Variants in PSME4 observed in about 807,000 individuals in gnomAD.
The protein encoded by PSME4 is proteasome activator complex subunit 4.
Under a neutral mutation model 253.9 loss-of-function variants are expected in PSME4, and 89 were observed. The observed-to-expected ratio is 0.35, with a 90% confidence interval of 0.30 to 0.42. The LOEUF is 0.42. PSME4 is among the 10% of genes least tolerant of loss of function. The pLI is 1.00. For missense variants in PSME4, 2,014 were observed against 2,195.2 expected (o/e 0.92, Z 1.65); for synonymous variants, 851 against 759.2 (o/e 1.12, Z -1.99).
At chr2:53,945,697 T>C (rs1669669151) in intron 3 of PSME4, among the ~76,000 whole-genome samples, 1 of 152,242 alleles carries the variant, frequency 6.6e-6, no homozygotes, top group African/African-American at 2.4e-5. Flanking sequence ...GCACATGAGT[T>C]TAAAATTTGA....
intron 41 of PSME4, among the ~76,000 whole-genome samples, chr2:53,882,222 A>G (rs1679420032): frequency 6.6e-6 from 1 of 152,212 alleles, no homozygotes; most frequent in Non-Finnish European, 1.5e-5. Context: ...TGCAAAGTGC[A>G]AAAGATATGT....
chr2:53,940,261 T>C (rs747134251), intron 3 of PSME4, among the ~76,000 whole-genome samples: 5 of 152,116 alleles, frequency 3.3e-5, no homozygotes, highest in African/African-American at 4.8e-5. Flanking sequence ...AAAGAACAAA[T>C]TGTTTTCAGT....
intron 41 of PSME4, among the ~76,000 whole-genome samples, chr2:53,880,049 C>T (rs1679308517): frequency 6.6e-6 from 1 of 152,124 alleles, no homozygotes; most frequent in Non-Finnish European, 1.5e-5. Context: ...AGTAATTTAA[C>T]CACATCTCCA....
At position 53,923,286 on chromosome 2, in the gene PSME4, G is replaced by A. The variant is rs113524290; in HGVS notation, c.1908+35C>T. ...ACCATATAAACTAGTTGATTGTTGAGTCATTAATACATCAGTTCAAAAAAA... is the reference window on the plus strand; with the variant it reads ...ACCATATAAACTAGTTGATTGTTGAATCATTAATACATCAGTTCAAAAAAA... On this transcript the variant is annotated intron_variant, in intron 15 of 46. Transcript: ENST00000404125. The A allele has an allele frequency of 5.2e-4, 815 of 1,572,552 alleles. 1 individual carries two copies. Among genetic ancestry groups the A allele is most frequent in the Non-Finnish European group, 5.5e-4 (638 of 1,162,434 alleles).
intron 3 of PSME4, among the ~76,000 whole-genome samples, chr2:53,942,832 C>T (rs1033376758): frequency 1.3e-5 from 2 of 152,148 alleles, no homozygotes; most frequent in African/African-American, 4.8e-5. Context: ...AATTCCTCCC[C>T]AACTGCCACC....
chr2:53,904,219 C>T, intron 26 of PSME4, 63 bp from the exon 27 acceptor site: 2 of 1,408,916 alleles, frequency 1.4e-6, no homozygotes, highest in South Asian at 3.0e-5. Flanking sequence ...CAGTTTAAAA[C>T]AAATTATCAA....
chr2:53,873,274 A>G (rs1397696029), intron 43 of PSME4, among the ~76,000 whole-genome samples: 1 of 151,994 alleles, frequency 6.6e-6, no homozygotes, highest in Non-Finnish European at 1.5e-5. Flanking sequence ...TGTTATAACC[A>G]GTCTGTGAGT....
chr2:53,902,441 C>G (rs990008769), intron 27 of PSME4, among the ~76,000 whole-genome samples: 1 of 152,128 alleles, frequency 6.6e-6, no homozygotes, highest in African/African-American at 2.4e-5. Flanking sequence ...TTTTGATTTC[C>G]AATTTACCTC....
chr2:53,953,884 C>T (rs1670112505), intron 1 of PSME4, among the ~76,000 whole-genome samples: 1 of 152,166 alleles, frequency 6.6e-6, no homozygotes, highest in African/African-American at 2.4e-5. Flanking sequence ...TTTCAACCAT[C>T]CAGAATATAT....
chr2:53,882,785 G>A (rs2104419669), intron 41 of PSME4, among the ~76,000 whole-genome samples: 1 of 152,080 alleles, frequency 6.6e-6, no homozygotes, highest in Admixed American at 6.5e-5. Flanking sequence ...TCTACTTACT[G>A]ACATGGAAAC....
At chr2:53,919,584 T>C (rs1170523694) in intron 19 of PSME4, among the ~76,000 whole-genome samples, 1 of 152,190 alleles carries the variant, frequency 6.6e-6, no homozygotes, top group Middle Eastern at 3.2e-3. Context: ...TCCAGCTTAT[T>C]CCATCTTTTA....
intron 32 of PSME4, among the ~76,000 whole-genome samples, chr2:53,895,963 T>C (rs368958986): frequency 1.3e-5 from 2 of 152,158 alleles, no homozygotes; most frequent in South Asian, 4.1e-4. Flanking sequence ...AGAGATCAAG[T>C]ATGAAACACA....
chr2:53,957,214 C>T (rs892260281), intron 1 of PSME4, among the ~76,000 whole-genome samples: 7 of 152,106 alleles, frequency 4.6e-5, no homozygotes, highest in Admixed American at 4.6e-4. Flanking sequence ...ACAGAAAGGA[C>T]CGGTTTTGTG....
intron 1 of PSME4, among the ~76,000 whole-genome samples, chr2:53,966,695 T>C (rs1375656637): frequency 6.6e-6 from 1 of 151,884 alleles, no homozygotes; most frequent in Non-Finnish European, 1.5e-5. Flanking sequence ...AAAATCAAGT[T>C]TTTTGGGGTT....
chr2:53,887,137 G>A, intron 40 of PSME4, 122 bp downstream of exon 40: 4 of 863,164 alleles, frequency 4.6e-6, no homozygotes, highest in Non-Finnish European at 7.2e-6. Context: ...CTTAAAAATG[G>A]TTAAAACAGT....
rs17045413 is a variant in PSME4, at chr2:53,925,843, G to A, written c.1658+116C>T. 2,693 of 1,258,566 alleles carry A rather than the reference G, an allele frequency of 2.1e-3. 82 individuals are homozygous for A. In the East Asian group the frequency reaches 0.052, roughly 24 times the overall value. The allele number at this position is 1,258,566 out of a possible 1,614,324, so 78.0% of individuals were successfully genotyped here. On this transcript the variant is annotated intron_variant, in intron 13 of 46. Transcript: ENST00000404125. ...AATCGATTATCCTTTTATAACTTCA[G>A]GAGCACCAGTAGTAGCTAAATAAAG...
intron 17 of PSME4, 126 bp from the exon 18 acceptor site, chr2:53,921,230 A>T (rs992309918): frequency 2.6e-5 from 37 of 1,406,952 alleles, no homozygotes; most frequent in Non-Finnish European, 3.3e-5. Flanking sequence ...TAATTTTAGG[A>T]TTGTCACTTT....
intron 13 of PSME4, 90 bp from the exon 14 acceptor site, chr2:53,925,779 TA>T: frequency 7.3e-7 from 1 of 1,367,696 alleles, no homozygotes; most frequent in East Asian, 2.3e-5. Context: ...TTGTCCTAAT[TA>T]TTCAAGTGAT....
Position 53,865,882 on chromosome 2 carries a change from G to A in PSME4, c.*4+203C>T, listed in dbSNP as rs1573173259. 41 of 579,074 alleles carry A rather than the reference G, an allele frequency of 7.1e-5. No individual in the cohort carries two copies. In the East Asian group the frequency reaches 1.2e-3, roughly 17 times the overall value. The allele number at this position is 579,074 out of a possible 1,614,324, so 35.9% of individuals were successfully genotyped here. ...CCAAAAGCAGTCACACATTTTCTCT[G>A]CTTTAAACCTAAAGCAAGGAGGCAC... On this transcript the variant is annotated intron_variant, in intron 46 of 46. Transcript: ENST00000404125.
Sources: allele counts gnomAD v4.1 joint callset (sites outside exome capture counted in the v4.1 genomes callset), GRCh38; gene constraint gnomAD v4.1.1; transcripts MANE v1.5; gene names NCBI Gene and HGNC (gene_info 2026-07-23, HGNC 2026-07-21).